PCBD2: variants seen among roughly 807,000 people sequenced by gnomAD.
PCBD2 encodes the protein pterin-4 alpha-carbinolamine dehydratase 2.
Under a neutral mutation model 16.4 loss-of-function variants are expected in PCBD2, and 12 were observed. That is an observed-to-expected ratio of 0.73 (90% confidence interval 0.47 to 1.19). The LOEUF is 1.19. PCBD2 is among the 50% of genes most tolerant of loss of function. The pLI, the probability that PCBD2 is intolerant of heterozygous loss-of-function variation, is 0.00. For synonymous variants in PCBD2, 58 were observed against 61.8 expected (o/e 0.94, Z 0.29); for missense variants, 138 against 156.8 (o/e 0.88, Z 0.64).
intron 2 of PCBD2, among the ~76,000 whole-genome samples, chr5:134,955,401 G>A (rs1751403811): frequency 6.7e-6 from 1 of 149,674 alleles, no homozygotes; most frequent in Non-Finnish European, 1.5e-5. Context: ...TCTGCCTCCT[G>A]GGTTCAAGTG....
intron 2 of PCBD2, 34 bp downstream of exon 2, chr5:134,910,500 C>A: frequency 6.2e-7 from 1 of 1,609,200 alleles, no homozygotes; most frequent in South Asian, 1.1e-5. Flanking sequence ...GGGCTGTGGT[C>A]TATTTTAGTC....
chr5:134,913,896 T>C (rs1415127743), intron 2 of PCBD2, among the ~76,000 whole-genome samples: 6 of 151,988 alleles, frequency 3.9e-5, no homozygotes, highest in African/African-American at 1.5e-4. Flanking sequence ...TAAAGGGTAG[T>C]GCCACTGGAG....
chr5:134,957,925 A>G (rs1220479269), intron 2 of PCBD2, among the ~76,000 whole-genome samples: 3 of 152,232 alleles, frequency 2.0e-5, no homozygotes, highest in African/African-American at 4.8e-5. Context: ...GAGAGGTACC[A>G]TAGTGAATGA....
At chr5:134,945,327 C>T (rs1249665587) in intron 2 of PCBD2, among the ~76,000 whole-genome samples, 1 of 152,144 alleles carries the variant, frequency 6.6e-6, no homozygotes, top group Admixed American at 6.5e-5. Flanking sequence ...ACCCTACCTG[C>T]ACAGAGAAGG....
At chr5:134,941,742 G>A (rs1228026530) in intron 2 of PCBD2, among the ~76,000 whole-genome samples, 1 of 152,056 alleles carries the variant, frequency 6.6e-6, no homozygotes, top group Non-Finnish European at 1.5e-5. Context: ...TGGAAAAAAG[G>A]GCACAGGGAA....
intron 2 of PCBD2, among the ~76,000 whole-genome samples, chr5:134,934,942 C>T (rs1751141886): frequency 6.6e-6 from 1 of 152,178 alleles, no homozygotes; most frequent in Non-Finnish European, 1.5e-5. Context: ...TAGAAGCTAT[C>T]CAACATTTTG....
In PCBD2 at chr5:134,920,306, A is replaced by G. The variant is rs375051241; in HGVS notation, c.216+9840A>G. Among the ~76,000 whole-genome samples the G allele has an allele frequency of 9.8e-5, 15 of 152,336 alleles. No individual in the cohort carries two copies. The East Asian group carries it at 2.5e-3, about 25-fold the overall frequency. ...GGTCATACTGGGTCATGTCACAGTTACCAGATGCAAGACTCACATCCCTGG... is the reference window on the plus strand; with the variant it reads ...GGTCATACTGGGTCATGTCACAGTTGCCAGATGCAAGACTCACATCCCTGG... On this transcript the variant is annotated intron_variant, in intron 2 of 3. Coordinates refer to ENST00000254908, the MANE Select transcript of PCBD2 (RefSeq NM_032151.5).
intron 1 of PCBD2, among the ~76,000 whole-genome samples, chr5:134,906,051 T>G (rs1750684797): frequency 6.6e-6 from 1 of 151,382 alleles, no homozygotes; most frequent in Admixed American, 6.6e-5. Context: ...TTTTTATATT[T>G]TTAGTAGAGA....
intron 2 of PCBD2, among the ~76,000 whole-genome samples, chr5:134,958,010 GAT>G (rs1416591012): frequency 6.6e-6 from 1 of 152,186 alleles, no homozygotes; most frequent in African/African-American, 2.4e-5. Flanking sequence ...GTCATTTGGT[GAT>G]CCCAAAAACA....
intron 2 of PCBD2, among the ~76,000 whole-genome samples, chr5:134,912,921 T>G (rs1750785404): frequency 6.6e-6 from 1 of 152,174 alleles, no homozygotes. Context: ...GAAAAGCCAT[T>G]GTTTTTTATT....
At chr5:134,921,657 C>T (rs1750905242) in intron 2 of PCBD2, among the ~76,000 whole-genome samples, 1 of 152,144 alleles carries the variant, frequency 6.6e-6, no homozygotes, top group African/African-American at 2.4e-5. Context: ...TGGCTTGTTC[C>T]TCTCAGTAGC....
At chr5:134,906,194 ATTTTTTTTTTTTTT>A (rs1158334317) in intron 1 of PCBD2, among the ~76,000 whole-genome samples, 4 of 66,492 alleles carry the variant, frequency 6.0e-5, no homozygotes, top group Admixed American at 2.3e-4. Context: ...TAATAGAAGA[ATTTTTTTTTTTTTT>A]TTTTTTTTTT....
At chr5:134,927,966 C>G in intron 2 of PCBD2, 1 of 396,432 alleles carries the variant, frequency 2.5e-6, no homozygotes, top group African/African-American at 2.1e-5. Flanking sequence ...TGTGTTGATT[C>G]AAATTATGTG....
intron 2 of PCBD2, among the ~76,000 whole-genome samples, chr5:134,952,533 C>T (rs115210968): frequency 6.6e-6 from 1 of 152,172 alleles, no homozygotes; most frequent in Admixed American, 6.5e-5. Context: ...TGCAGTGGCG[C>T]ATGCCTGTAA....
intron 2 of PCBD2, among the ~76,000 whole-genome samples, chr5:134,915,368 T>C (rs1750818828): frequency 6.6e-6 from 1 of 151,100 alleles, no homozygotes; most frequent in Admixed American, 6.6e-5. Context: ...ATTTATCTTC[T>C]AAATATTGTT....
At chr5:134,955,919 C>A (rs1306336543) in intron 2 of PCBD2, among the ~76,000 whole-genome samples, 1 of 152,194 alleles carries the variant, frequency 6.6e-6, no homozygotes, top group Non-Finnish European at 1.5e-5. Context: ...ATTGTATCTT[C>A]TTCATTGTAT....
chr5:134,932,617 G>A (rs910144736), intron 2 of PCBD2, among the ~76,000 whole-genome samples: 1 of 152,068 alleles, frequency 6.6e-6, no homozygotes, highest in East Asian at 1.9e-4. Context: ...TTATAGATGT[G>A]AGCCACCATG....
intron 2 of PCBD2, chr5:134,926,238 G>A (rs530865120): frequency 5.5e-4 from 183 of 331,706 alleles, no homozygotes; most frequent in African/African-American, 3.5e-3. Context: ...GGGAGAGTTG[G>A]GTTGTTTGGG....
At chr5:134,926,996 T>G (rs1463324673) in intron 2 of PCBD2, 1 of 398,264 alleles carries the variant, frequency 2.5e-6, no homozygotes, top group African/African-American at 2.1e-5. Flanking sequence ...GGGTTTGAAG[T>G]CCTTGAGAGA....
Sources: allele counts gnomAD v4.1 joint callset (sites outside exome capture counted in the v4.1 genomes callset), GRCh38; gene constraint gnomAD v4.1.1; transcripts MANE v1.5; gene names NCBI Gene and HGNC (gene_info 2026-07-23, HGNC 2026-07-21).